Variants in DCUN1D2 observed in about 807,000 individuals in gnomAD.
DCUN1D2 encodes the protein DCN1-like protein 2.
DCUN1D2 carries 29 observed loss-of-function variants against 30.9 expected under a neutral mutation model. The ratio of observed to expected loss-of-function variants is 0.94; its 90% confidence interval spans 0.70 to 1.28. The LOEUF (loss-of-function observed/expected upper bound fraction) is 1.28. DCUN1D2 is among the 50% of genes most tolerant of loss of function. The probability of loss-of-function intolerance (pLI) is 0.00; values close to 1 mark genes in which losing one functional copy is unlikely to be tolerated. For synonymous variants in DCUN1D2, 121 were observed against 115.3 expected (o/e 1.05, Z -0.32); for missense variants, 325 against 316.9 (o/e 1.03, Z -0.19).
rs1198102556 is a variant in DCUN1D2 at position 113,480,725 on chromosome 13, T to C, written c.239A>G (p.Lys80Arg). 8.7e-6 allele frequency: 14 copies of C among 1,613,926 alleles called. No individual in the cohort carries two copies. In the East Asian group the frequency reaches 3.1e-4, roughly 36 times the overall value. Reference protein sequence around the residue: ...GRYKDPQDENKIGVDGIQQFC... With the variant: ...GRYKDPQDENRIGVDGIQQFC... ...CTGTTGAATCCCATCGACTCCAATT[T>C]TGTTTTCATCTTGTGGATCTGTAGT... The change falls in exon 3 of 7, where the codon AAA becomes AGA. Residue 80 changes from lysine to arginine, a missense_variant. Physicochemically the swap from Lys to Arg is conservative, Grantham distance 26. Coordinates refer to ENST00000478244, the MANE Select transcript of DCUN1D2 (RefSeq NM_001014283.2).
chr13:113,480,065 A>G (rs1032951881), intron 3 of DCUN1D2, among the ~76,000 whole-genome samples: 4 of 152,230 alleles, frequency 2.6e-5, no homozygotes, highest in Non-Finnish European at 5.9e-5. Context: ...AATGATTAAG[A>G]GACAGTTACA....
chr13:113,483,913 G>A lies in DCUN1D2; in HGVS notation c.147C>T (p.Asp49=), dbSNP rs1566506694. The A allele has an allele frequency of 6.2e-7, 1 of 1,614,022 alleles. No homozygotes were observed. Among genetic ancestry groups the A allele is most frequent in the Non-Finnish European group, 8.5e-7 (1 of 1,180,056 alleles). Residue 49 remains aspartate, a synonymous_variant, in exon 2 of 7, where the codon GAC becomes GAT. Coordinates refer to ENST00000478244, the MANE Select transcript of DCUN1D2 (RefSeq NM_001014283.2). ...TCCGCATGGACTCCCTGTGGAGCGA[G>A]TCTGGGTTTTGGAAGAAGCTGTCCG... ...EATDSFFQNP[D]SLHRESMRNA...
chr13:113,473,551 A>G (rs1411013456), intron 4 of DCUN1D2, among the ~76,000 whole-genome samples: 2 of 152,258 alleles, frequency 1.3e-5, no homozygotes, highest in Non-Finnish European at 2.9e-5. Flanking sequence ...GAACTGATAC[A>G]GGACATTTAC....
rs1031674294 is a variant in DCUN1D2 at position 113,456,961 on chromosome 13, C to A, written c.*1068G>T. 2 of 152,254 alleles carry A rather than the reference C, an allele frequency of 1.3e-5. No homozygotes were observed. The highest frequency in any genetic ancestry group is 6.5e-5 in the Admixed American group (1 of 15,280). The allele number at this position is 152,254 out of a possible 1,614,324, so 9.4% of individuals were successfully genotyped here. A position where few individuals can be genotyped will look rare whatever the true frequency, so the allele number is the denominator to read the frequency against. On this transcript the variant is annotated 3_prime_UTR_variant, in exon 7 of 7. Transcript: ENST00000478244. ...GTGGCGCGATCTCGACTCACTGTAACCTCCGTCTCCTGAGTTCAAGCGAAT... is the reference window on the plus strand; with the variant it reads ...GTGGCGCGATCTCGACTCACTGTAAACTCCGTCTCCTGAGTTCAAGCGAAT...
intron 4 of DCUN1D2, among the ~76,000 whole-genome samples, chr13:113,468,580 G>T (rs1474192571): frequency 2.0e-5 from 3 of 152,196 alleles, no homozygotes. Context: ...ACTCCTGACT[G>T]GTTTAAACGC....
At position 113,488,798 on chromosome 13, in the gene DCUN1D2, G is replaced by A. The variant is rs774296125; in HGVS notation, c.3+1869C>T. Among the ~76,000 whole-genome samples the A allele has an allele frequency of 1.8e-4, 28 of 152,162 alleles. No homozygotes were observed. Among genetic ancestry groups the A allele is most frequent in the Non-Finnish European group, 3.7e-4 (25 of 68,040 alleles). ...CTTCAAGCTCACAACCTTCACTGAGGCTTACCACATCATGCAAATTAAATT... is the reference window on the plus strand; with the variant it reads ...CTTCAAGCTCACAACCTTCACTGAGACTTACCACATCATGCAAATTAAATT... On this transcript the variant is annotated intron_variant, in intron 1 of 6. Coordinates refer to ENST00000478244, the MANE Select transcript of DCUN1D2 (RefSeq NM_001014283.2). This position sits in a 1 kb window ranked among gnomAD's most constrained non-coding sequence, Gnocchi z 4.3.
intron 2 of DCUN1D2, among the ~76,000 whole-genome samples, chr13:113,482,550 A>C (rs1269243927): frequency 6.6e-6 from 1 of 152,262 alleles, no homozygotes; most frequent in Non-Finnish European, 1.5e-5. Flanking sequence ...TTTCTGAGCC[A>C]AGATTTTTTA....
chr13:113,481,753 T>A (rs553792595), intron 2 of DCUN1D2, among the ~76,000 whole-genome samples: 22 of 151,864 alleles, frequency 1.4e-4, no homozygotes, highest in East Asian at 1.4e-3. Flanking sequence ...GCGGGGTGGC[T>A]CACGCCTATA....
chr13:113,480,724 T>A lies in DCUN1D2; in HGVS notation c.240A>T (p.Lys80Asn), dbSNP rs1416041815. 6.2e-7 allele frequency: 1 copy of A among 1,614,024 alleles called. No individual in the cohort carries two copies. The highest frequency in any genetic ancestry group is 8.5e-7 in the Non-Finnish European group (1 of 1,179,982). ...GRYKDPQDEN[K>N]IGVDGIQQFC... Reference sequence around the variant, plus strand: ...ACTGTTGAATCCCATCGACTCCAATTTTGTTTTCATCTTGTGGATCTGTAG... The same window carrying A: ...ACTGTTGAATCCCATCGACTCCAATATTGTTTTCATCTTGTGGATCTGTAG... Residue 80 changes from lysine (K) to asparagine (N), a missense_variant, in exon 3 of 7, where the codon AAA (lysine) becomes AAT (asparagine). Physicochemically the swap from Lys to Asn is moderately conservative, Grantham distance 94. Coordinates refer to ENST00000478244, the MANE Select transcript of DCUN1D2 (RefSeq NM_001014283.2).
At position 113,456,511 on chromosome 13, in the gene DCUN1D2, G is replaced by A; in HGVS notation, c.*1518C>T. 1 of 397,740 alleles carries A rather than the reference G, an allele frequency of 2.5e-6. No homozygotes were observed. The highest frequency in any genetic ancestry group is 4.4e-6 in the Non-Finnish European group (1 of 225,846). The allele number at this position is 397,740 out of a possible 1,614,324, so 24.6% of individuals were successfully genotyped here. Reference sequence around the variant, plus strand: ...CTGCGGCGACTCTCCTCTGTGCTGGGCAGCAGCTCCAGCTGGTCCACGTCC... The same window carrying A: ...CTGCGGCGACTCTCCTCTGTGCTGGACAGCAGCTCCAGCTGGTCCACGTCC... On this transcript the variant is annotated 3_prime_UTR_variant, in exon 7 of 7. Transcript: ENST00000478244.
At chr13:113,461,613 A>C (rs1296339567) in intron 4 of DCUN1D2, among the ~76,000 whole-genome samples, 2 of 152,240 alleles carry the variant, frequency 1.3e-5, no homozygotes, top group Non-Finnish European at 2.9e-5. Context: ...TTCACAAGTA[A>C]TTACAGCGGC....
intron 4 of DCUN1D2, among the ~76,000 whole-genome samples, chr13:113,463,244 A>C (rs928991978): frequency 6.6e-6 from 1 of 152,208 alleles, no homozygotes; most frequent in Non-Finnish European, 1.5e-5. Flanking sequence ...CTCCTAAGTG[A>C]AAACATGTTA....
intron 4 of DCUN1D2, among the ~76,000 whole-genome samples, chr13:113,472,026 C>T (rs1056821754): frequency 6.6e-6 from 1 of 150,848 alleles, no homozygotes; most frequent in Non-Finnish European, 1.5e-5. Flanking sequence ...GAGTGTATTA[C>T]CCCCCCAACC....
chr13:113,475,448 T>C (rs2044599104), intron 3 of DCUN1D2: 1 of 152,284 alleles, frequency 6.6e-6, no homozygotes, highest in Non-Finnish European at 1.5e-5. Flanking sequence ...TAGTGGGCTG[T>C]AGCATCTCGG....
chr13:113,469,809 A>T (rs2258644), intron 4 of DCUN1D2, among the ~76,000 whole-genome samples: 148 of 152,352 alleles, frequency 9.7e-4, no homozygotes, highest in African/African-American at 3.2e-3. Context: ...ACTCCACTCC[A>T]GCCTGGGCAA....
At chr13:113,464,689 G>A (rs982134245) in intron 4 of DCUN1D2, among the ~76,000 whole-genome samples, 4 of 152,280 alleles carry the variant, frequency 2.6e-5, no homozygotes, top group African/African-American at 9.6e-5. Flanking sequence ...ACGTGGGGCA[G>A]CTGGAGGCAG....
In DCUN1D2 at chr13:113,460,733, G is replaced by A. The variant is rs911118403; in HGVS notation, c.603+321C>T. 2.6e-5 allele frequency among the ~76,000 whole-genome samples: 4 copies of A among 152,226 alleles called. No homozygotes were observed. In the South Asian group the frequency reaches 6.2e-4, roughly 24 times the overall value. On this transcript the variant is annotated intron_variant, in intron 5 of 6. Coordinates refer to ENST00000478244, the MANE Select transcript of DCUN1D2 (RefSeq NM_001014283.2). The stretch of plus-strand genomic sequence containing the variant: ...TTCTCAGTGGAAAGACAGAATTACC[G>A]TCTAGGTCCTCAGAGGAGACAACAC...
At chr13:113,472,362 G>A (rs7335361) in intron 4 of DCUN1D2, among the ~76,000 whole-genome samples, 1,984 of 152,254 alleles carry the variant, frequency 0.013, 40 homozygotes, top group African/African-American at 0.045. Context: ...ACCCCACCAC[G>A]GCCTGAAACC....
At position 113,460,367 on chromosome 13, in the gene DCUN1D2, G is replaced by A. The variant is rs2044298987; in HGVS notation, c.603+687C>T. On this transcript the variant is annotated intron_variant, in intron 5 of 6. Transcript: ENST00000478244. The stretch of plus-strand genomic sequence containing the variant: ...TCCTGGCCCGGCCGTGGGTTGGGCG[G>A]TGGAAGACCACTTCTTTCACTTTCA... 2.0e-5 allele frequency among the ~76,000 whole-genome samples: 3 copies of A among 152,240 alleles called. No homozygotes were observed. The South Asian group carries it at 6.2e-4, about 31-fold the overall frequency.
Sources: gnomAD v4.1 joint callset for allele counts (sites outside exome capture counted in the v4.1 genomes callset) on GRCh38, gnomAD v4.1.1 for gene constraint, Gnocchi (gnomAD v3.1) non-coding constraint, MANE v1.5 for transcripts, NCBI Gene and HGNC (gene_info 2026-07-23, HGNC 2026-07-21) for gene names.